Variants in SLC4A10 observed in about 807,000 individuals in gnomAD.
SLC4A10 encodes the protein sodium-driven chloride bicarbonate exchanger.
SLC4A10 carries 42 observed loss-of-function variants against 137.7 expected under a neutral mutation model. The ratio of observed to expected loss-of-function variants is 0.30; its 90% CI spans 0.24 to 0.39. The LOEUF (loss-of-function observed/expected upper bound fraction) is 0.39. Among genes scored for constraint, SLC4A10 ranks in the 10% least tolerant of loss-of-function variants. The pLI, the probability that SLC4A10 is intolerant of heterozygous loss-of-function variation, is 1.00. For missense variants in SLC4A10, 925 were observed against 1,355.0 expected (o/e 0.68, Z 4.98); for synonymous variants, 474 against 464.1 (o/e 1.02, Z -0.27).
At chr2:161,701,765 T>C (rs915428923) in intron 1 of SLC4A10, among the ~76,000 whole-genome samples, 1 of 151,922 alleles carries the variant, frequency 6.6e-6, no homozygotes, top group Non-Finnish European at 1.5e-5. Flanking sequence ...ACCACCATTC[T>C]ACTCTCTACC....
chr2:161,966,850 A>G (rs961556074), intron 23 of SLC4A10, among the ~76,000 whole-genome samples: 2 of 152,200 alleles, frequency 1.3e-5, no homozygotes, highest in African/African-American at 2.4e-5. Flanking sequence ...AAAATATGGT[A>G]TAATTTGGCA....
At chr2:161,766,236 C>T (rs1243302056) in intron 1 of SLC4A10, among the ~76,000 whole-genome samples, 1 of 152,002 alleles carries the variant, frequency 6.6e-6, no homozygotes, top group Non-Finnish European at 1.5e-5. Flanking sequence ...ATTAAATAAT[C>T]AACTATTTCT....
chr2:161,634,055 G>A (rs2034021951), intron 1 of SLC4A10, among the ~76,000 whole-genome samples: 1 of 151,694 alleles, frequency 6.6e-6, no homozygotes, highest in South Asian at 2.1e-4. Flanking sequence ...AATATCACCA[G>A]TGTTTTCACT....
At chr2:161,745,537 A>G (rs976224486) in intron 1 of SLC4A10, among the ~76,000 whole-genome samples, 1 of 152,016 alleles carries the variant, frequency 6.6e-6, no homozygotes, top group African/African-American at 2.4e-5. Flanking sequence ...AGAGTCATAT[A>G]TCTCTGTCAC....
chr2:161,725,341 C>T (rs970470092), intron 1 of SLC4A10, among the ~76,000 whole-genome samples: 1 of 152,124 alleles, frequency 6.6e-6, no homozygotes, highest in Non-Finnish European at 1.5e-5. Flanking sequence ...TCTCAGAATA[C>T]TCATCTGTTT....
chr2:161,820,572 G>A (rs1029474455), intron 3 of SLC4A10, among the ~76,000 whole-genome samples: 1 of 152,062 alleles, frequency 6.6e-6, no homozygotes, highest in African/African-American at 2.4e-5. Context: ...GGAATTAATT[G>A]CTCAGTGTTC....
chr2:161,971,731 G>A (rs1165534753), intron 23 of SLC4A10, among the ~76,000 whole-genome samples: 1 of 152,160 alleles, frequency 6.6e-6, no homozygotes, highest in African/African-American at 2.4e-5. Flanking sequence ...CCATCCCCGC[G>A]CTCCGGGGCC....
intron 1 of SLC4A10, among the ~76,000 whole-genome samples, chr2:161,684,332 C>G (rs1328558689): frequency 6.6e-6 from 1 of 152,046 alleles, no homozygotes; most frequent in African/African-American, 2.4e-5. Context: ...TTATTATGAC[C>G]ATTTTTCTGC....
intron 2 of SLC4A10, among the ~76,000 whole-genome samples, chr2:161,776,871 G>T (rs955519432): frequency 1.3e-5 from 2 of 151,184 alleles, no homozygotes; most frequent in African/African-American, 2.4e-5. Context: ...GTGTGTGTGT[G>T]TGTGTGTGTG....
intron 3 of SLC4A10, among the ~76,000 whole-genome samples, chr2:161,815,931 T>C (rs1324929039): frequency 6.6e-6 from 1 of 152,136 alleles, no homozygotes; most frequent in Non-Finnish European, 1.5e-5. Context: ...CATTTAGACC[T>C]AAATGTGGTT....
At chr2:161,798,029 C>T (rs76285053) in intron 2 of SLC4A10, among the ~76,000 whole-genome samples, 5,001 of 152,046 alleles carry the variant, frequency 0.033, 230 homozygotes, top group African/African-American at 0.1. Context: ...ACACAAGGAA[C>T]AATGGCACAG....
At chr2:161,921,762 A>G (rs1451162406) in intron 15 of SLC4A10, among the ~76,000 whole-genome samples, 1 of 152,214 alleles carries the variant, frequency 6.6e-6, no homozygotes, top group African/African-American at 2.4e-5. Context: ...TAAACGGTAA[A>G]TGGGGGTAAA....
At chr2:161,778,609 C>T (rs1394984513) in intron 2 of SLC4A10, among the ~76,000 whole-genome samples, 2 of 151,808 alleles carry the variant, frequency 1.3e-5, no homozygotes, top group South Asian at 4.1e-4. Flanking sequence ...AATATTCAAA[C>T]ATTTAACACA....
intron 3 of SLC4A10, among the ~76,000 whole-genome samples, chr2:161,812,929 G>T (rs928095503): frequency 1.3e-5 from 2 of 151,974 alleles, no homozygotes; most frequent in African/African-American, 4.8e-5. Flanking sequence ...AATAAATTCT[G>T]CATTTTCCTA....
At chr2:161,777,449 G>C (rs2052485215) in intron 2 of SLC4A10, among the ~76,000 whole-genome samples, 1 of 151,888 alleles carries the variant, frequency 6.6e-6, no homozygotes, top group Admixed American at 6.6e-5. Context: ...ATGATGAAAT[G>C]TTTTCCTATG....
intron 3 of SLC4A10, among the ~76,000 whole-genome samples, chr2:161,813,627 G>T (rs2056766229): frequency 6.6e-6 from 1 of 152,094 alleles, no homozygotes; most frequent in Non-Finnish European, 1.5e-5. Context: ...TGCCCTCTTA[G>T]ACTGCAGGAA....
At chr2:161,833,998 G>A (rs2058602260) in intron 3 of SLC4A10, among the ~76,000 whole-genome samples, 1 of 152,184 alleles carries the variant, frequency 6.6e-6, no homozygotes, top group Non-Finnish European at 1.5e-5. Context: ...AAAGGGTTAA[G>A]ATTTTATATA....
chr2:161,811,746 C>G (rs556219667), intron 3 of SLC4A10, among the ~76,000 whole-genome samples: 1 of 151,952 alleles, frequency 6.6e-6, no homozygotes, highest in African/African-American at 2.4e-5. Flanking sequence ...ATAGCTGAAA[C>G]CTTTCTTCCT....
At chr2:161,726,914 G>GCAAA (rs904096641) in intron 1 of SLC4A10, among the ~76,000 whole-genome samples, 10 of 152,210 alleles carry the variant, frequency 6.6e-5, no homozygotes, top group Admixed American at 6.5e-4. Context: ...GTCTCAAAAA[G>GCAAA]CAAACAAACA....
Sources: allele counts gnomAD v4.1 joint callset (sites outside exome capture counted in the v4.1 genomes callset), GRCh38; gene constraint gnomAD v4.1.1; transcripts MANE v1.5; gene names NCBI Gene and HGNC (gene_info 2026-07-23, HGNC 2026-07-21).